Variants in FGF14 observed in about 807,000 individuals in gnomAD.
The protein encoded by FGF14 is fibroblast growth factor 14.
In FGF14, 5 loss-of-function variants were observed where a neutral mutation model predicts 25.5. The observed-to-expected ratio is 0.20, with a 90% confidence interval of 0.10 to 0.41. FGF14 has a LOEUF of 0.41. FGF14 is among the 10% of genes least tolerant of loss of function. The pLI, the probability that FGF14 is intolerant of heterozygous loss-of-function variation, is 1.00. For missense variants in FGF14, 222 were observed against 320.1 expected (o/e 0.69, Z 2.34); for synonymous variants, 138 against 118.3 (o/e 1.17, Z -1.08).
At position 101,742,741 on chromosome 13, in the gene FGF14, C is replaced by A. The variant is rs541976238; in HGVS notation, c.409-15931G>T. On this transcript the variant is annotated intron_variant, in intron 3 of 4. Coordinates refer to ENST00000376143, the MANE Select transcript of FGF14 (RefSeq NM_004115.4). ...GAGTCAAGCTGGGAAATGCATTGGG[C>A]AAAGCTGCCTCCCATTCTATTCCTA... Among the ~76,000 whole-genome samples the A allele has an allele frequency of 5.3e-5, 8 of 152,164 alleles. No individual in the cohort carries two copies. The East Asian group carries it at 1.6e-3, about 30-fold the overall frequency.
intron 1 of FGF14, among the ~76,000 whole-genome samples, chr13:102,234,580 A>C (rs975503889): frequency 6.6e-6 from 1 of 152,156 alleles, no homozygotes; most frequent in African/African-American, 2.4e-5. Context: ...CTATAATTAA[A>C]AATAAAATAA....
chr13:102,058,151 G>A (rs1401427406), intron 1 of FGF14, among the ~76,000 whole-genome samples: 2 of 152,200 alleles, frequency 1.3e-5, no homozygotes, highest in Non-Finnish European at 2.9e-5. Flanking sequence ...CTTTGTGACA[G>A]CCACAGCCAC....
intron 1 of FGF14, among the ~76,000 whole-genome samples, chr13:101,981,308 T>G (rs1001509052): frequency 1.3e-5 from 2 of 152,110 alleles, no homozygotes; most frequent in East Asian, 3.9e-4. Context: ...GAGGCCCCAG[T>G]AAGCTGCCTT....
At chr13:102,350,483 A>G (rs537677363) in intron 1 of FGF14, among the ~76,000 whole-genome samples, 1 of 152,222 alleles carries the variant, frequency 6.6e-6, no homozygotes, top group Admixed American at 6.5e-5. Flanking sequence ...ACGCCTTGTT[A>G]TACTTCCTGC....
chr13:102,380,910 C>G (rs2058169318), intron 1 of FGF14, among the ~76,000 whole-genome samples: 1 of 151,970 alleles, frequency 6.6e-6, no homozygotes, highest in African/African-American at 2.4e-5. Context: ...GGGTTATGTC[C>G]CAATAAACCT....
intron 1 of FGF14, among the ~76,000 whole-genome samples, chr13:101,909,643 G>T (rs1448864251): frequency 1.3e-5 from 2 of 152,176 alleles, no homozygotes; most frequent in Non-Finnish European, 2.9e-5. Flanking sequence ...CACTGTTGGT[G>T]GGACTGTAAA....
At chr13:101,861,593 A>T (rs567224643) in intron 3 of FGF14, among the ~76,000 whole-genome samples, 12 of 152,202 alleles carry the variant, frequency 7.9e-5, no homozygotes, top group Admixed American at 3.9e-4. Context: ...GTACAGAAAC[A>T]AAGGGAGCCT....
chr13:102,256,441 T>C (rs2052443384), intron 1 of FGF14, among the ~76,000 whole-genome samples: 1 of 152,110 alleles, frequency 6.6e-6, no homozygotes. Flanking sequence ...GAAGTTGCAG[T>C]GAGCTGTGAT....
At chr13:102,326,972 G>T (rs1282830983) in intron 1 of FGF14, among the ~76,000 whole-genome samples, 1 of 152,156 alleles carries the variant, frequency 6.6e-6, no homozygotes, top group Non-Finnish European at 1.5e-5. Flanking sequence ...TTCAGCTCAT[G>T]TGTTAAACCA....
chr13:101,883,227 G>C (rs1489668798), intron 1 of FGF14, among the ~76,000 whole-genome samples: 1 of 152,188 alleles, frequency 6.6e-6, no homozygotes, highest in East Asian at 1.9e-4. Flanking sequence ...TCACCAGGAA[G>C]TGATGCCTCT....
At chr13:101,927,750 G>T (rs949944986) in intron 1 of FGF14, among the ~76,000 whole-genome samples, 1 of 152,056 alleles carries the variant, frequency 6.6e-6, no homozygotes, top group Admixed American at 6.6e-5. Context: ...CCTCTCCGGG[G>T]ATCATTTCTT....
intron 1 of FGF14, among the ~76,000 whole-genome samples, chr13:102,008,305 C>T (rs1245001007): frequency 1.3e-5 from 2 of 152,118 alleles, no homozygotes; most frequent in African/African-American, 2.4e-5. Flanking sequence ...TACTAAATTT[C>T]TTATTATTTC....
chr13:101,822,233 C>T (rs939583318), intron 3 of FGF14, among the ~76,000 whole-genome samples: 1 of 152,030 alleles, frequency 6.6e-6, no homozygotes, highest in Non-Finnish European at 1.5e-5. Flanking sequence ...AATAGATATG[C>T]TATTGATTAA....
intron 1 of FGF14, among the ~76,000 whole-genome samples, chr13:102,347,578 G>A (rs1186966435): frequency 6.6e-6 from 1 of 152,138 alleles, no homozygotes; most frequent in African/African-American, 2.4e-5. Flanking sequence ...AATCAATGAA[G>A]CCCTCTCGCA....
chr13:101,873,437 T>C (rs1235340506), intron 2 of FGF14, among the ~76,000 whole-genome samples: 3 of 152,138 alleles, frequency 2.0e-5, no homozygotes, highest in Non-Finnish European at 4.4e-5. Flanking sequence ...ATGGCATCAG[T>C]CTTTAGCCTG....
chr13:102,156,552 T>C (rs949965284), intron 1 of FGF14, among the ~76,000 whole-genome samples: 1 of 152,146 alleles, frequency 6.6e-6, no homozygotes, highest in African/African-American at 2.4e-5. Flanking sequence ...ACAGCCAATA[T>C]CATACTGAAT....
intron 1 of FGF14, among the ~76,000 whole-genome samples, chr13:102,354,697 T>C (rs60004011): frequency 0.04 from 6,163 of 152,266 alleles, 379 homozygotes; most frequent in African/African-American, 0.13. Context: ...GTCTTTAACC[T>C]TGGCAAAATA....
At chr13:101,789,685 C>T (rs549527204) in intron 3 of FGF14, among the ~76,000 whole-genome samples, 4 of 151,816 alleles carry the variant, frequency 2.6e-5, no homozygotes, top group Non-Finnish European at 4.4e-5. Context: ...CAGGACTACC[C>T]GAGGTAAACT....
intron 1 of FGF14, among the ~76,000 whole-genome samples, chr13:102,196,294 G>A (rs993027457): frequency 1.3e-5 from 2 of 152,210 alleles, no homozygotes; most frequent in Non-Finnish European, 2.9e-5. Flanking sequence ...CAGCCACTGG[G>A]TGAAAATGTT....
Sources: allele counts gnomAD v4.1 joint callset (sites outside exome capture counted in the v4.1 genomes callset), GRCh38; gene constraint gnomAD v4.1.1; transcripts MANE v1.5; gene names NCBI Gene and HGNC (gene_info 2026-07-23, HGNC 2026-07-21).